Variants in PHLDB2 observed in about 807,000 individuals in gnomAD.
The protein encoded by PHLDB2 is pleckstrin homology like domain family B member 2, also known as pleckstrin homology-like domain family B member 2.
PHLDB2 carries 71 observed loss-of-function variants against 123.6 expected under a neutral mutation model. The ratio of observed to expected loss-of-function variants is 0.57; its 90% CI spans 0.47 to 0.70. PHLDB2 has a LOEUF of 0.70. Ranked by LOEUF, PHLDB2 falls within the 30% of genes least tolerant of loss-of-function variation. The pLI is 0.00. For synonymous variants in PHLDB2, 547 were observed against 541.6 expected (o/e 1.01, Z -0.14); for missense variants, 1,446 against 1,519.5 (o/e 0.95, Z 0.80).
intron 1 of PHLDB2, among the ~76,000 whole-genome samples, chr3:111,831,979 C>G (rs945895128): frequency 6.6e-6 from 1 of 152,110 alleles, no homozygotes; most frequent in Non-Finnish European, 1.5e-5. Context: ...ATCCTAGGAC[C>G]CAGCAGCAGT....
upstream of PHLDB2, among the ~76,000 whole-genome samples, chr3:111,854,878 A>G (rs1056820624): frequency 2.6e-5 from 4 of 152,220 alleles, no homozygotes; most frequent in Non-Finnish European, 5.9e-5. Context: ...GTCAAGACAC[A>G]TAAACTAAAG....
intron 1 of PHLDB2, among the ~76,000 whole-genome samples, chr3:111,879,252 G>A (rs1485979749): frequency 6.6e-6 from 1 of 152,096 alleles, no homozygotes; most frequent in Admixed American, 6.6e-5. Flanking sequence ...TCTATTCAGG[G>A]TTTGACCTCT....
chr3:111,927,413 T>C (rs2068874584), intron 5 of PHLDB2, among the ~76,000 whole-genome samples: 1 of 152,196 alleles, frequency 6.6e-6, no homozygotes, highest in African/African-American at 2.4e-5. Flanking sequence ...TTAGAGACTA[T>C]AAATTTTGAC....
chr3:111,767,364 A>G (rs1191640662), intron 1 of PHLDB2, among the ~76,000 whole-genome samples: 2 of 152,210 alleles, frequency 1.3e-5, no homozygotes, highest in Non-Finnish European at 2.9e-5. Flanking sequence ...ATCTGTAAAC[A>G]TCTGTCGTTC....
intron 1 of PHLDB2, among the ~76,000 whole-genome samples, chr3:111,838,865 T>A (rs549415880): frequency 2.0e-5 from 3 of 152,260 alleles, no homozygotes; most frequent in Admixed American, 6.5e-5. Context: ...TAAATCTAAT[T>A]TAGGAGAATC....
chr3:111,779,698 G>A (rs1365590288), intron 1 of PHLDB2, among the ~76,000 whole-genome samples: 8 of 152,170 alleles, frequency 5.3e-5, no homozygotes, highest in Admixed American at 2.6e-4. Context: ...GGGCACCTGG[G>A]TTCATTCCAC....
At chr3:111,825,100 G>A (rs1297519405) in intron 1 of PHLDB2, among the ~76,000 whole-genome samples, 1 of 152,132 alleles carries the variant, frequency 6.6e-6, no homozygotes, top group African/African-American at 2.4e-5. Flanking sequence ...ACCATTTACA[G>A]GTAAGAAGAC....
upstream of PHLDB2, among the ~76,000 whole-genome samples, chr3:111,858,940 C>G (rs13101043): frequency 0.62 from 94,187 of 152,054 alleles, 29,756 homozygotes; most frequent in Middle Eastern, 0.81. Flanking sequence ...TCTACATCAG[C>G]ATTGTTTTCA....
chr3:111,766,129 T>C (rs1332402919), intron 1 of PHLDB2, among the ~76,000 whole-genome samples: 2 of 152,224 alleles, frequency 1.3e-5, no homozygotes, highest in Non-Finnish European at 2.9e-5. Flanking sequence ...AATACCTTTT[T>C]TCAAGAACCT....
At position 111,975,589 on chromosome 3, in the gene PHLDB2, T is replaced by C. The variant is rs2107703935; in HGVS notation, c.*1026T>C. The C allele has an allele frequency of 6.6e-6, 1 of 152,482 alleles. No individual in the cohort carries two copies. The highest frequency in any genetic ancestry group is 1.5e-5 in the Non-Finnish European group (1 of 68,032). 9.4% of individuals were successfully genotyped at this position (152,482 alleles called of 1,614,324 possible). On this transcript the variant is annotated 3_prime_UTR_variant, in exon 18 of 18. Coordinates refer to ENST00000431670, the MANE Select transcript of PHLDB2 (RefSeq NM_001134438.2). ...CTTATTTGCAGAAGTGGTGTAGTTC[T>C]ATAAAACGGCAAATGAAGTTCAACT... is the stretch of plus-strand genomic sequence containing the variant.
chr3:111,925,031 G>A (rs1211741280), intron 5 of PHLDB2, among the ~76,000 whole-genome samples: 2 of 152,014 alleles, frequency 1.3e-5, no homozygotes, highest in Admixed American at 6.5e-5. Context: ...GTTTCGTCAT[G>A]TTGTCCAGGC....
At chr3:111,934,332 AGG>A (rs1253675607) in intron 6 of PHLDB2, among the ~76,000 whole-genome samples, 1 of 152,210 alleles carries the variant, frequency 6.6e-6, no homozygotes. Flanking sequence ...AGTTCACTTT[AGG>A]ACCTTTCTGT....
In PHLDB2 at chr3:111,952,590, GA is replaced by G; in HGVS notation, c.2653del (p.Arg885GlyfsTer11). 6.2e-7 allele frequency: 1 copy of G among 1,612,590 alleles called. No homozygotes were observed. Among genetic ancestry groups the G allele is most frequent in the Non-Finnish European group, 8.5e-7 (1 of 1,179,484 alleles). On this transcript the variant is annotated frameshift_variant, in exon 11 of 18. Transcript: ENST00000431670. LOFTEE classifies it high-confidence loss of function. ...TTTAAAGCACTTTAGAAGTCTGGAAGAAAGGAAAAAACAGCATAAAGAAGGC... is the reference window on the plus strand; with the variant it reads ...TTTAAAGCACTTTAGAAGTCTGGAAGAAGGAAAAAACAGCATAAAGAAGGC... ...QSKEHFRSLE[E>X]RKKQHKEGLY...
At chr3:111,864,184 C>G (rs543680769) in intron 1 of PHLDB2, among the ~76,000 whole-genome samples, 1 of 152,298 alleles carries the variant, frequency 6.6e-6, no homozygotes, top group South Asian at 2.1e-4. Context: ...ATCTGCCCCC[C>G]CGCAGGTACT....
intron 12 of PHLDB2, chr3:111,958,576 CA>C (rs2071197499): frequency 2.7e-6 from 1 of 373,362 alleles, no homozygotes; most frequent in African/African-American, 2.1e-5. Flanking sequence ...CTGTCCCAGG[CA>C]GTGAAGAGCT....
intron 1 of PHLDB2, among the ~76,000 whole-genome samples, chr3:111,816,859 ATGT>A (rs923092001): frequency 5.9e-5 from 9 of 152,212 alleles, no homozygotes; most frequent in African/African-American, 1.9e-4. Context: ...CAATTTCCAC[ATGT>A]TGTGGGAACA....
chr3:111,892,056 T>TGCAGGGCACATTGCACATTG (rs1231210776), intron 2 of PHLDB2, among the ~76,000 whole-genome samples: 1 of 152,208 alleles, frequency 6.6e-6, no homozygotes, highest in East Asian at 1.9e-4. Context: ...TTGTTGCCAT[T>TGCAGGGCACATTGCACATTG]TAGAACTATG....
At chr3:111,805,846 C>CAAAAAA (rs10585193) in intron 1 of PHLDB2, among the ~76,000 whole-genome samples, 1 of 93,160 alleles carries the variant, frequency 1.1e-5, no homozygotes. Context: ...TAGATGTATG[C>CAAAAAA]AAAAAAAAAA....
chr3:111,743,613 C>A (rs2059638596), intron 1 of PHLDB2, among the ~76,000 whole-genome samples: 1 of 152,138 alleles, frequency 6.6e-6, no homozygotes, highest in South Asian at 2.1e-4. Context: ...CATGACCAAC[C>A]CAGCCCCCAT....
Sources: allele counts gnomAD v4.1 joint callset (sites outside exome capture counted in the v4.1 genomes callset), GRCh38; gene constraint gnomAD v4.1.1; transcripts MANE v1.5; gene names NCBI Gene and HGNC (gene_info 2026-07-23, HGNC 2026-07-21).